Variants in GCFC2 observed in about 807,000 individuals in gnomAD.
The protein encoded by GCFC2 is intron Large complex component GCFC2.
In GCFC2, 102 loss-of-function variants were observed where a neutral mutation model predicts 99.4. That is an observed-to-expected ratio of 1.03 (90% CI 0.87 to 1.21). The LOEUF is 1.21. Ranked by LOEUF, GCFC2 falls within the 50% of genes most tolerant of loss-of-function variation. The probability of loss-of-function intolerance (pLI) is 0.00; values close to 1 mark genes in which losing one functional copy is unlikely to be tolerated. For missense variants in GCFC2, 973 were observed against 920.9 expected, an observed-to-expected ratio of 1.06 and a Z score of -0.73; for synonymous variants, 338 against 316.8, an observed-to-expected ratio of 1.07 and a Z score of -0.71.
chr2:75,690,697 A>ACTTGTGGATGTCTCAT lies in GCFC2; in HGVS notation c.1151_1166dup (p.Ser389ArgfsTer2). The ACTTGTGGATGTCTCAT allele has an allele frequency of 6.4e-7, 1 of 1,558,008 alleles. No individual in the cohort carries two copies. Among genetic ancestry groups the ACTTGTGGATGTCTCAT allele is most frequent in the Non-Finnish European group, 8.8e-7 (1 of 1,134,546 alleles). ...TTTTTTCATCTACTGAGAAGTTTCC[A>ACTTGTGGATGTCTCAT]CTTGTGGATGTCTCATCTTTGCCTG... is the stretch of plus-strand genomic sequence containing the variant. On this transcript the variant is annotated stop_gained and frameshift_variant, in exon 8 of 17. Coordinates refer to ENST00000321027, the MANE Select transcript of GCFC2 (RefSeq NM_003203.5). LOFTEE classifies it high-confidence loss of function.
At chr2:75,688,450 G>C (rs111967653) in intron 10 of GCFC2, among the ~76,000 whole-genome samples, 4 of 152,168 alleles carry the variant, frequency 2.6e-5, no homozygotes, top group African/African-American at 7.2e-5. Flanking sequence ...GGCAGTTGCT[G>C]AGTTCATACT....
At chr2:75,698,569 T>A (rs1253544148) in intron 4 of GCFC2, among the ~76,000 whole-genome samples, 1 of 152,162 alleles carries the variant, frequency 6.6e-6, no homozygotes, top group East Asian at 1.9e-4. Flanking sequence ...AATTCAAAAT[T>A]GCATGCATAT....
upstream of GCFC2, among the ~76,000 whole-genome samples, chr2:75,711,917 C>G (rs572577073): frequency 2.0e-5 from 3 of 152,380 alleles, no homozygotes; most frequent in Admixed American, 1.3e-4. Context: ...CCCTGCTCCA[C>G]GGCGCCCAGT....
chr2:75,694,156 C>A (rs1290789690), intron 6 of GCFC2, 85 bp downstream of exon 6: 6 of 419,496 alleles, frequency 1.4e-5, no homozygotes, highest in Non-Finnish European at 2.6e-5. Flanking sequence ...AGAAAAGTAT[C>A]TAATTGTGAG....
At position 75,664,622 on chromosome 2, in the gene GCFC2, A is replaced by G. The variant is rs749882011; in HGVS notation, c.*44T>C. The G allele has an allele frequency of 2.4e-6, 2 of 833,666 alleles. No homozygotes were observed. The highest frequency in any genetic ancestry group is 4.1e-6 in the Non-Finnish European group (2 of 493,216). The allele number at this position is 833,666 out of a possible 1,614,324, so 51.6% of individuals were successfully genotyped here. A position where few individuals can be genotyped will look rare whatever the true frequency, so the allele number is the denominator to read the frequency against. On this transcript the variant is annotated 3_prime_UTR_variant, in exon 17 of 17. Transcript: ENST00000321027. ...AGCTTCTTCTCAAACAAAGGAACTGAGTGTAACTATATTAAAATTTTAGCA... is the reference window on the plus strand; with the variant it reads ...AGCTTCTTCTCAAACAAAGGAACTGGGTGTAACTATATTAAAATTTTAGCA...
intron 8 of GCFC2, chr2:75,690,367 G>C (rs990417077): frequency 1.2e-5 from 6 of 500,356 alleles, no homozygotes; most frequent in Non-Finnish European, 1.7e-5. Flanking sequence ...TCCGAAGAGG[G>C]GGTAATTATA....
Position 75,689,112 on chromosome 2 carries a change from A to G in GCFC2, c.1453T>C (p.Tyr485His), listed in dbSNP as rs760676520. ...QQWREKFPDSYYEAFISLCIP... is the reference protein window; with the variant it reads ...QQWREKFPDSHYEAFISLCIP... ...CATAAACTAATGAAAGCTTCATAATAGGAGTCAGGAAACTTTTCTCGCCAT... is the reference window on the plus strand; with the variant it reads ...CATAAACTAATGAAAGCTTCATAATGGGAGTCAGGAAACTTTTCTCGCCAT... Residue 485 changes from tyrosine to histidine, a missense_variant, in exon 10 of 17, where the codon TAT (tyrosine) becomes CAT (histidine). By Grantham distance (83) the Tyr-to-His change is moderately conservative. Transcript: ENST00000321027. 6.3e-7 allele frequency: 1 copy of G among 1,595,008 alleles called. No homozygotes were observed. Among genetic ancestry groups the G allele is most frequent in the South Asian group, 1.1e-5 (1 of 90,218 alleles).
chr2:75,707,366 TTGAA>T (rs1450190450), intron 1 of GCFC2, among the ~76,000 whole-genome samples: 3 of 152,098 alleles, frequency 2.0e-5, no homozygotes, highest in African/African-American at 7.2e-5. Context: ...GTTGTGAAAA[TTGAA>T]TGAACAAAAT....
intron 3 of GCFC2, chr2:75,701,978 A>C: frequency 7.6e-7 from 1 of 1,310,398 alleles, no homozygotes; most frequent in Non-Finnish European, 9.7e-7. Flanking sequence ...TCAAGGTGGG[A>C]GGTCAGGCAT....
chr2:75,681,627 C>T (rs1444507554), intron 11 of GCFC2, among the ~76,000 whole-genome samples: 2 of 151,830 alleles, frequency 1.3e-5, no homozygotes, highest in East Asian at 3.9e-4. Context: ...GGGCTGAAGA[C>T]AGGGAGCCAA....
In GCFC2 at chr2:75,672,305, A is replaced by AT. The variant is rs539179950; in HGVS notation, c.1890-290dup. Among the ~76,000 whole-genome samples the AT allele has an allele frequency of 3.0e-3, 384 of 129,702 alleles. 2 individuals carry two copies. The highest frequency in any genetic ancestry group is 0.011 in the African/African-American group (370 of 34,432). The allele number at this position is 129,702 out of a possible 152,430, so 85.1% of individuals were successfully genotyped here. A position where few individuals can be genotyped will look rare whatever the true frequency, so the allele number is the denominator to read the frequency against. ...ATGTTTATAAAATATATATTTATAT[A>AT]TTTATAAATATGTTTATAAAATATA... On this transcript the variant is annotated intron_variant, in intron 13 of 16. Coordinates refer to ENST00000321027, the MANE Select transcript of GCFC2 (RefSeq NM_003203.5).
rs34414596 is a variant in GCFC2, at chr2:75,708,501, CTTTTTTT to C, written c.266-1857_266-1851del. On this transcript the variant is annotated intron_variant, in intron 1 of 16. Coordinates refer to ENST00000321027, the MANE Select transcript of GCFC2 (RefSeq NM_003203.5). The stretch of plus-strand genomic sequence containing the variant: ...TATGGTTTAAGAATCCATTTGGCAA[CTTTTTTT>C]TTTTTTTTTTTTTTTTTTTTTGAGA... Among the ~76,000 whole-genome samples, 769 of 78,732 alleles carry C rather than the reference CTTTTTTT, an allele frequency of 9.8e-3. 10 individuals are homozygous for C. The highest frequency in any genetic ancestry group is 0.033 in the African/African-American group (703 of 21,016). The allele number at this position is 78,732 out of a possible 152,430, so 51.7% of individuals were successfully genotyped here.
chr2:75,697,395 C>G (rs1680374702), intron 4 of GCFC2, among the ~76,000 whole-genome samples: 1 of 152,238 alleles, frequency 6.6e-6, no homozygotes. Context: ...TCTCCAAACA[C>G]TCTTGATATT....
intron 11 of GCFC2, among the ~76,000 whole-genome samples, chr2:75,683,972 C>T (rs902490215): frequency 6.6e-6 from 1 of 152,026 alleles, no homozygotes; most frequent in Non-Finnish European, 1.5e-5. Flanking sequence ...AGATCAGATT[C>T]ATAAAGCAAG....
chr2:75,711,128 C>T, upstream of GCFC2: 3 of 1,249,036 alleles, frequency 2.4e-6, no homozygotes, highest in South Asian at 2.8e-5. Flanking sequence ...TTTTCACGGC[C>T]TATCCGGTCT....
At chr2:75,711,300 C>G, upstream of GCFC2, 1 of 699,754 alleles carries the variant, frequency 1.4e-6, no homozygotes, top group African/African-American at 1.9e-5. Context: ...GAAACCCCAG[C>G]AGTGTGAGGC....
Position 75,666,056 on chromosome 2 carries a change from G to A in GCFC2, c.2104-3C>T. 6.3e-7 allele frequency: 1 copy of A among 1,599,986 alleles called. No homozygotes were observed. The highest frequency in any genetic ancestry group is 1.3e-5 in the African/African-American group (1 of 74,448). ...TTTTCTGGTAGACATGCTGCTACCTGTTAATCAAAACACATGGCTGGTTTA... is the reference window on the plus strand; with the variant it reads ...TTTTCTGGTAGACATGCTGCTACCTATTAATCAAAACACATGGCTGGTTTA... On this transcript the variant is annotated splice_polypyrimidine_tract_variant and splice_region_variant and intron_variant, in intron 15 of 16. Transcript: ENST00000321027.
At chr2:75,670,362 T>C (rs1679043056) in intron 14 of GCFC2, 78 bp from the exon 15 acceptor site, 1 of 983,806 alleles carries the variant, frequency 1.0e-6, no homozygotes, top group Admixed American at 2.0e-5. Context: ...CATGAAGAGT[T>C]GGTCAAACTA....
At chr2:75,688,058 A>T in intron 10 of GCFC2, 81 bp from the exon 11 acceptor site, 1 of 831,182 alleles carries the variant, frequency 1.2e-6, no homozygotes, top group Middle Eastern at 2.9e-4. Flanking sequence ...TTTTTCAATA[A>T]TCACCAGAGC....
Sources: gnomAD v4.1 joint callset for allele counts (sites outside exome capture counted in the v4.1 genomes callset) on GRCh38, gnomAD v4.1.1 for gene constraint, MANE v1.5 for transcripts, NCBI Gene and HGNC (gene_info 2026-07-23, HGNC 2026-07-21) for gene names.